The following DLC1 variants were observed in gnomAD, a reference collection of about 807,000 sequenced individuals.
DLC1 encodes DLC1 Rho GTPase activating protein.
DLC1 carries 54 observed loss-of-function variants against 140.3 expected under a neutral mutation model. The observed-to-expected ratio is 0.38, with a 90% confidence interval of 0.31 to 0.48. The LOEUF (loss-of-function observed/expected upper bound fraction) is 0.48, where lower values mean the gene tolerates loss of function less well. Among genes scored for constraint, DLC1 ranks in the 20% least tolerant of loss-of-function variants. DLC1 has a pLI of 0.96. For synonymous variants in DLC1, 986 were observed against 728.1 expected (o/e 1.35, Z -5.70); for missense variants, 2,536 against 1,907.0 (o/e 1.33, Z -6.14).
At chr8:13,249,726 A>T (rs1391486919) in intron 5 of DLC1, among the ~76,000 whole-genome samples, 2 of 152,208 alleles carry the variant, frequency 1.3e-5, no homozygotes, top group Non-Finnish European at 2.9e-5. Context: ...ATTAAGAAAC[A>T]ACCCAAACCA....
chr8:13,094,638 C>T (rs769403863), intron 12 of DLC1, 121 bp downstream of exon 12: 13 of 1,248,812 alleles, frequency 1.0e-5, no homozygotes, highest in Non-Finnish European at 1.5e-5. Context: ...TGCACTCCAG[C>T]CTGGATGACA....
chr8:13,220,431 C>G (rs1477661923), intron 5 of DLC1, among the ~76,000 whole-genome samples: 2 of 152,110 alleles, frequency 1.3e-5, no homozygotes, highest in Non-Finnish European at 1.5e-5. Flanking sequence ...TCTTTAGAGT[C>G]TACAAATTTG....
At chr8:13,120,308 A>C (rs1301832226) in intron 5 of DLC1, among the ~76,000 whole-genome samples, 1 of 144,884 alleles carries the variant, frequency 6.9e-6, no homozygotes, top group Admixed American at 7.1e-5. Flanking sequence ...GGGTCACTGC[A>C]CTCCAACCTG....
chr8:13,153,932 G>C (rs1824040863), intron 5 of DLC1, among the ~76,000 whole-genome samples: 1 of 151,848 alleles, frequency 6.6e-6, no homozygotes, highest in Non-Finnish European at 1.5e-5. Context: ...CTAGACAAGA[G>C]CACTGATTGG....
intron 5 of DLC1, among the ~76,000 whole-genome samples, chr8:13,281,728 G>T (rs553384180): frequency 9.7e-4 from 147 of 152,130 alleles, no homozygotes; most frequent in Non-Finnish European, 1.6e-3. Flanking sequence ...TATCTATATG[G>T]GAAGAGGCTG....
At chr8:13,574,668 A>C (rs1004379790) in intron 1 of DLC1, among the ~76,000 whole-genome samples, 1 of 152,192 alleles carries the variant, frequency 6.6e-6, no homozygotes, top group Non-Finnish European at 1.5e-5. Flanking sequence ...TTTATCATCA[A>C]ATAGACTAAA....
At chr8:13,277,561 A>G (rs111596761) in intron 5 of DLC1, among the ~76,000 whole-genome samples, 176 of 152,342 alleles carry the variant, frequency 1.2e-3, no homozygotes, top group African/African-American at 3.8e-3. Context: ...TCCAAGCACT[A>G]TGAAATCAAA....
At chr8:13,235,901 T>G (rs1829254624) in intron 5 of DLC1, among the ~76,000 whole-genome samples, 1 of 151,928 alleles carries the variant, frequency 6.6e-6, no homozygotes, top group African/African-American at 2.4e-5. Flanking sequence ...TTCAGAGAGA[T>G]TGAAGACTAG....
chr8:13,525,756 A>T (rs1802903059), intron 1 of DLC1, among the ~76,000 whole-genome samples: 1 of 152,176 alleles, frequency 6.6e-6, no homozygotes, highest in Admixed American at 6.6e-5. Context: ...TATTTCTTCT[A>T]GTCTAGCTTG....
intron 4 of DLC1, among the ~76,000 whole-genome samples, chr8:13,307,210 G>A (rs1457565393): frequency 6.6e-6 from 1 of 151,864 alleles, no homozygotes; most frequent in African/African-American, 2.4e-5. Context: ...TTCTCTGGGT[G>A]TGAACCGTTT....
At position 13,084,792 on chromosome 8, in the gene DLC1, T is replaced by C. The variant is rs1441544150; in HGVS notation, c.*1019A>G. On this transcript the variant is annotated 3_prime_UTR_variant, in exon 18 of 18. Transcript: ENST00000276297. ...GTGAGTTAAATTTACAGGGATTTCCTTGGGACACACATAGTTTCCTATATT... is the reference window on the plus strand; with the variant it reads ...GTGAGTTAAATTTACAGGGATTTCCCTGGGACACACATAGTTTCCTATATT... The C allele has an allele frequency of 6.6e-6, 1 of 152,230 alleles. No individual in the cohort carries two copies. Among genetic ancestry groups the C allele is most frequent in the Non-Finnish European group, 1.5e-5 (1 of 68,032 alleles). 9.4% of individuals were successfully genotyped at this position (152,230 alleles called of 1,614,324 possible). A position where few individuals can be genotyped will look rare whatever the true frequency, so the allele number is the denominator to read the frequency against.
intron 2 of DLC1, among the ~76,000 whole-genome samples, chr8:13,404,613 A>G (rs1837443089): frequency 6.6e-6 from 1 of 152,144 alleles, no homozygotes; most frequent in South Asian, 2.1e-4. Context: ...CCTGGGCAAC[A>G]GGGATTAACA....
At chr8:13,264,385 C>T (rs1425340397) in intron 5 of DLC1, among the ~76,000 whole-genome samples, 1 of 152,090 alleles carries the variant, frequency 6.6e-6, no homozygotes, top group Non-Finnish European at 1.5e-5. Flanking sequence ...GAATAAGGAA[C>T]TTTATGTTCA....
At chr8:13,558,312 A>T (rs916704174) in intron 1 of DLC1, 9 of 152,110 alleles carry the variant, frequency 5.9e-5, no homozygotes, top group African/African-American at 2.2e-4. Flanking sequence ...GGGCTTGGAG[A>T]AGGGATTGAA....
intron 5 of DLC1, among the ~76,000 whole-genome samples, chr8:13,128,727 C>A (rs557538431): frequency 1.3e-5 from 2 of 151,668 alleles, no homozygotes. Flanking sequence ...CCCAGCTACT[C>A]GGGAGGCTGG....
rs774267389 is a variant in DLC1 at position 13,099,520 on chromosome 8, C to G, written c.2817G>C (p.Ser939=). The change falls in exon 9 of 18, where the codon TCG becomes TCC. Residue 939 remains serine, a synonymous_variant. Coordinates refer to ENST00000276297, the MANE Select transcript of DLC1 (RefSeq NM_182643.3). ...TTGGAGAGGACGGGCAGGGAGAGAC[C>G]GAGTCCAGGGCTGAGTCCGAATCTC... The part of the protein sequence containing the change: ...DEGDSDSALD[S]VSPCPSSPKQ... 6.2e-7 allele frequency: 1 copy of G among 1,614,120 alleles called. No individual in the cohort carries two copies. Among genetic ancestry groups the G allele is most frequent in the East Asian group, 2.2e-5 (1 of 44,866 alleles).
At chr8:13,295,820 G>A (rs1831921189) in intron 5 of DLC1, among the ~76,000 whole-genome samples, 1 of 151,900 alleles carries the variant, frequency 6.6e-6, no homozygotes, top group South Asian at 2.1e-4. Flanking sequence ...CACTTTTCTT[G>A]TGGGTACGTA....
intron 2 of DLC1, among the ~76,000 whole-genome samples, chr8:13,468,811 C>CTTTTTTTTTTTTTTTTTTT (rs78775803): frequency 6.7e-5 from 6 of 89,962 alleles, no homozygotes; most frequent in Admixed American, 1.5e-4. Context: ...TTTATGTCTG[C>CTTTTTTTTTTTTTTTTTTT]TTTTTTTTTT....
intron 5 of DLC1, among the ~76,000 whole-genome samples, chr8:13,184,387 T>C (rs1826223247): frequency 6.6e-6 from 1 of 152,228 alleles, no homozygotes; most frequent in African/African-American, 2.4e-5. Flanking sequence ...TTAATTGTGA[T>C]GTTACGGTGT....
Sources: gnomAD v4.1 joint callset for allele counts (sites outside exome capture counted in the v4.1 genomes callset) on GRCh38, gnomAD v4.1.1 for gene constraint, MANE v1.5 for transcripts, NCBI Gene and HGNC (gene_info 2026-07-23, HGNC 2026-07-21) for gene names.